Variants in SIK2 observed in about 807,000 individuals in gnomAD.
SIK2 encodes the protein salt inducible kinase 2.
A neutral mutation model predicts 103.2 loss-of-function variants in SIK2; 29 were observed. The observed-to-expected ratio is 0.28, with a 90% CI of 0.21 to 0.38. SIK2 has a LOEUF of 0.38. SIK2 is among the 10% of genes least tolerant of loss of function. The probability of loss-of-function intolerance (pLI) is 1.00; values close to 1 mark genes in which losing one functional copy is unlikely to be tolerated. For synonymous variants in SIK2, 412 were observed against 446.1 expected, an observed-to-expected ratio of 0.92 and a Z score of 0.96; for missense variants, 879 against 1,171.0, an observed-to-expected ratio of 0.75 and a Z score of 3.64.
intron 3 of SIK2, among the ~76,000 whole-genome samples, chr11:111,646,883 T>C (rs770482395): frequency 1.3e-5 from 2 of 152,242 alleles, no homozygotes; most frequent in Non-Finnish European, 2.9e-5. Flanking sequence ...ATTTTGGTAG[T>C]TTTCAGTTTC....
At chr11:111,717,935 A>G (rs1943693599) in intron 9 of SIK2, among the ~76,000 whole-genome samples, 1 of 152,166 alleles carries the variant, frequency 6.6e-6, no homozygotes, top group Admixed American at 6.5e-5. Flanking sequence ...AATGGGAGGG[A>G]GAGCATCAGG....
In SIK2 at chr11:111,712,208, C is replaced by A; in HGVS notation, c.1102-3C>A. The A allele has an allele frequency of 6.2e-7, 1 of 1,613,240 alleles. No individual in the cohort carries two copies. Among genetic ancestry groups the A allele is most frequent in the Non-Finnish European group, 8.5e-7 (1 of 1,179,580 alleles). On this transcript the variant is annotated splice_region_variant and splice_polypyrimidine_tract_variant and intron_variant, in intron 8 of 14. Coordinates refer to ENST00000304987, the MANE Select transcript of SIK2 (RefSeq NM_015191.3). ...AAACTGTCTGTTCTTGCCATATTTA[C>A]AGGCACAGACTGTGGGGCTCCCAGT...
chr11:111,643,526 A>G (rs1377994877), intron 3 of SIK2, among the ~76,000 whole-genome samples: 1 of 152,140 alleles, frequency 6.6e-6, no homozygotes, highest in Non-Finnish European at 1.5e-5. Flanking sequence ...TTGCAAATGT[A>G]TAGGCTGGGC....
chr11:111,636,472 CA>C (rs1228740510), intron 3 of SIK2, among the ~76,000 whole-genome samples: 4 of 152,148 alleles, frequency 2.6e-5, no homozygotes, highest in South Asian at 4.1e-4. Flanking sequence ...CATAAGTTAA[CA>C]AAGTCTCTGC....
At chr11:111,720,440 A>G (rs943365259) in intron 10 of SIK2, 38 bp from the exon 11 acceptor site, 1 of 1,550,752 alleles carries the variant, frequency 6.4e-7, no homozygotes, top group Non-Finnish European at 8.7e-7. Context: ...AGGAGATGCT[A>G]TTGCTGTTGG....
intron 4 of SIK2, among the ~76,000 whole-genome samples, chr11:111,696,638 TAGAG>T (rs368927784): frequency 6.6e-6 from 1 of 152,118 alleles, no homozygotes; most frequent in East Asian, 1.9e-4. Context: ...CTGAGTCTGG[TAGAG>T]AGAGAGACGA....
intron 1 of SIK2, among the ~76,000 whole-genome samples, chr11:111,605,910 G>T (rs73556948): frequency 0.018 from 2,667 of 152,266 alleles, 103 homozygotes; most frequent in African/African-American, 0.06. Flanking sequence ...ATCCAAAGGG[G>T]AAGACAGGTG....
At chr11:111,699,994 A>G (rs982801691) in intron 4 of SIK2, among the ~76,000 whole-genome samples, 17 of 152,254 alleles carry the variant, frequency 1.1e-4, no homozygotes, top group African/African-American at 3.4e-4. Context: ...AGTCAGGAGT[A>G]TGTAGCAACA....
intron 3 of SIK2, among the ~76,000 whole-genome samples, chr11:111,628,333 C>T (rs1450293539): frequency 6.6e-6 from 1 of 152,040 alleles, no homozygotes; most frequent in Non-Finnish European, 1.5e-5. Context: ...AATAATTGTG[C>T]AAAGTTTGTT....
intron 3 of SIK2, among the ~76,000 whole-genome samples, chr11:111,629,970 G>A (rs1458833420): frequency 6.6e-6 from 1 of 152,100 alleles, no homozygotes; most frequent in African/African-American, 2.4e-5. Context: ...CTAGGTATTT[G>A]CCCAAGAAAA....
chr11:111,689,182 G>A (rs112858864), intron 4 of SIK2, among the ~76,000 whole-genome samples: 1 of 152,164 alleles, frequency 6.6e-6, no homozygotes, highest in South Asian at 2.1e-4. Context: ...GATTGATACA[G>A]GGGGAGCAGA....
rs1943938064 is a variant in SIK2, at chr11:111,725,528, A to T, written c.*1399A>T. The stretch of plus-strand genomic sequence containing the variant: ...ATAATTTGCCATTTGGACAGTTAAC[A>T]TCCAGGTGTTACAAAGTCAGTGTTA... On this transcript the variant is annotated 3_prime_UTR_variant, in exon 15 of 15. Coordinates refer to ENST00000304987, the MANE Select transcript of SIK2 (RefSeq NM_015191.3). The T allele has an allele frequency of 6.6e-6, 1 of 152,654 alleles. No individual in the cohort carries two copies. 9.5% of individuals were successfully genotyped at this position (152,654 alleles called of 1,614,324 possible).
intron 3 of SIK2, among the ~76,000 whole-genome samples, chr11:111,680,622 A>G (rs1942764601): frequency 6.6e-6 from 1 of 152,228 alleles, no homozygotes; most frequent in Non-Finnish European, 1.5e-5. Context: ...CATGAGGCTT[A>G]AAGATAGTCA....
In SIK2 at chr11:111,705,057, A is replaced by G. The variant is rs748473482; in HGVS notation, c.1019A>G (p.His340Arg). The change falls in exon 8 of 15, where the codon CAT becomes CGT. Residue 340 changes from histidine (H) to arginine (R), a missense_variant. His to Arg is a conservative substitution (Grantham distance 29). Coordinates refer to ENST00000304987, the MANE Select transcript of SIK2 (RefSeq NM_015191.3). This position sits in a 1 kb window ranked among gnomAD's most constrained non-coding sequence, Gnocchi z 4.3. ...TTGTTGGTGGAGCGCCTGAAATCAC[A>G]TCGGAGCAGTTTCCCAGTGGAGCAG... Reference protein sequence around the residue: ...YFLLVERLKSHRSSFPVEQRL... With the variant: ...YFLLVERLKSRRSSFPVEQRL... 1 of 1,611,460 alleles carries G rather than the reference A, an allele frequency of 6.2e-7. No individual in the cohort carries two copies. The highest frequency in any genetic ancestry group is 8.5e-7 in the Non-Finnish European group (1 of 1,179,160).
At chr11:111,658,457 A>T (rs1942424047) in intron 3 of SIK2, among the ~76,000 whole-genome samples, 1 of 152,000 alleles carries the variant, frequency 6.6e-6, no homozygotes, top group Admixed American at 6.6e-5. Flanking sequence ...GAATCGAGAG[A>T]TACGGCCGAG....
Position 111,721,058 on chromosome 11 carries a change from C to T in SIK2, c.1940C>T (p.Pro647Leu). 1 of 1,612,722 alleles carries T rather than the reference C, an allele frequency of 6.2e-7. No individual in the cohort carries two copies. Among genetic ancestry groups the T allele is most frequent in the Non-Finnish European group, 8.5e-7 (1 of 1,179,456 alleles). ...PQLQDLASSC[P>L]QEEVSQQQES... The stretch of plus-strand genomic sequence containing the variant: ...CTCCAGGACCTTGCTAGCAGCTGCC[C>T]TCAGGTGGGTACCTTGGGCCCTTCC... Residue 647 changes from proline (P) to leucine (L), a missense_variant, in exon 12 of 15, where the codon CCT becomes CTT. Around this residue, in one of 7 missense-constraint regions of SIK2, gnomAD observed 375 missense variants for 416.3 expected, o/e 0.90. Transcript: ENST00000304987.
intron 3 of SIK2, among the ~76,000 whole-genome samples, chr11:111,638,680 C>T (rs1565323998): frequency 6.6e-6 from 1 of 151,972 alleles, no homozygotes; most frequent in African/African-American, 2.4e-5. Context: ...AGATAGTAAA[C>T]ATATATATTT....
At chr11:111,663,691 A>G (rs542957087) in intron 3 of SIK2, among the ~76,000 whole-genome samples, 5 of 152,300 alleles carry the variant, frequency 3.3e-5, no homozygotes, top group South Asian at 2.1e-4. Flanking sequence ...CAGTCCAGGC[A>G]TGAGACGATG....
At chr11:111,715,231 C>T (rs1943605737) in intron 9 of SIK2, among the ~76,000 whole-genome samples, 1 of 152,190 alleles carries the variant, frequency 6.6e-6, no homozygotes, top group Non-Finnish European at 1.5e-5. Context: ...CTTTGTGGAC[C>T]GTTTTATTTA....
Sources: gnomAD v4.1 joint callset for allele counts (sites outside exome capture counted in the v4.1 genomes callset) on GRCh38, gnomAD v4.1.1 for gene constraint, gnomAD v4.1.1 regional missense constraint, Gnocchi (gnomAD v3.1) non-coding constraint, MANE v1.5 for transcripts, NCBI Gene and HGNC (gene_info 2026-07-23, HGNC 2026-07-21) for gene names.